The following ANKFN1 variants were observed in gnomAD, a reference collection of about 807,000 sequenced individuals.
The protein encoded by ANKFN1 is ankyrin repeat and fibronectin type-III domain-containing protein 1.
ANKFN1 carries 74 observed loss-of-function variants against 108.7 expected under a neutral mutation model. That is an observed-to-expected ratio of 0.68 (90% confidence interval 0.56 to 0.83). ANKFN1 has a LOEUF of 0.83. ANKFN1 is among the 40% of genes least tolerant of loss of function. ANKFN1 has a pLI of 0.00. For synonymous variants in ANKFN1, 547 were observed against 516.2 expected, an observed-to-expected ratio of 1.06 and a Z score of -0.81; for missense variants, 1,505 against 1,382.3, an observed-to-expected ratio of 1.09 and a Z score of -1.41.
At chr17:56,123,332 A>C (rs1323087561) in intron 4 of ANKFN1, among the ~76,000 whole-genome samples, 1 of 152,166 alleles carries the variant, frequency 6.6e-6, no homozygotes, top group Admixed American at 6.5e-5. Context: ...CATCTCAGAG[A>C]GATGGGGCTG....
intron 3 of ANKFN1, among the ~76,000 whole-genome samples, chr17:56,306,858 T>C (rs1350694394): frequency 1.3e-5 from 2 of 152,166 alleles, no homozygotes; most frequent in African/African-American, 2.4e-5. Context: ...CAAAACAGCA[T>C]GGTACTGGTA....
intron 6 of ANKFN1, among the ~76,000 whole-genome samples, chr17:56,356,252 G>C (rs1372161041): frequency 6.6e-6 from 1 of 152,092 alleles, no homozygotes; most frequent in Non-Finnish European, 1.5e-5. Flanking sequence ...ACATTATGAA[G>C]TAGGCACTCA....
chr17:56,461,432 G>A (rs957064785), intron 14 of ANKFN1, among the ~76,000 whole-genome samples: 4 of 152,148 alleles, frequency 2.6e-5, no homozygotes, highest in African/African-American at 7.2e-5. Flanking sequence ...ACACTGTTCC[G>A]ATTTTCTTCC....
chr17:56,383,988 A>G (rs1483536620), intron 8 of ANKFN1, among the ~76,000 whole-genome samples: 4 of 152,248 alleles, frequency 2.6e-5, no homozygotes, highest in African/African-American at 4.8e-5. Flanking sequence ...TGAGGCCAGC[A>G]TCATCCTGAT....
intron 14 of ANKFN1, among the ~76,000 whole-genome samples, chr17:56,460,660 CTTTT>C (rs1357135967): frequency 2.1e-5 from 3 of 145,198 alleles, no homozygotes; most frequent in African/African-American, 7.6e-5. Flanking sequence ...TTTTTTTTTT[CTTTT>C]TATTTCAGAA....
At chr17:56,205,589 G>T (rs1010058592) in intron 1 of ANKFN1, among the ~76,000 whole-genome samples, 1 of 152,132 alleles carries the variant, frequency 6.6e-6, no homozygotes, top group African/African-American at 2.4e-5. Flanking sequence ...TTTTGGCAGT[G>T]TGTTTATATT....
chr17:56,058,879 G>T (rs920196657), intron 4 of ANKFN1, among the ~76,000 whole-genome samples: 1 of 152,088 alleles, frequency 6.6e-6, no homozygotes, highest in Non-Finnish European at 1.5e-5. Context: ...ATTGTAAATA[G>T]TGCTGCAATA....
chr17:56,380,677 T>C (rs2047072327), intron 8 of ANKFN1, among the ~76,000 whole-genome samples: 1 of 152,236 alleles, frequency 6.6e-6, no homozygotes, highest in South Asian at 2.1e-4. Context: ...GGAGTCTCGC[T>C]GATTGCTAGC....
intron 3 of ANKFN1, among the ~76,000 whole-genome samples, chr17:56,282,723 C>CA (rs2044115391): frequency 6.7e-6 from 1 of 148,516 alleles, no homozygotes. Context: ...CTAACTAGGA[C>CA]TTTTTTTTTT....
chr17:56,458,148 G>C (rs1054789978), intron 14 of ANKFN1, among the ~76,000 whole-genome samples, 169 bp downstream of exon 14: 1 of 152,108 alleles, frequency 6.6e-6, no homozygotes, highest in Non-Finnish European at 1.5e-5. Flanking sequence ...TAGGTATGCA[G>C]GTTTCATATA....
At position 56,476,467 on chromosome 17, in the gene ANKFN1, G is replaced by A. The variant is rs180855484; in HGVS notation, c.1774-1021G>A. Among the ~76,000 whole-genome samples the A allele has an allele frequency of 2.0e-4, 31 of 152,304 alleles. 1 individual carries two copies. The East Asian group carries it at 4.6e-3, about 23-fold the overall frequency. The stretch of plus-strand genomic sequence containing the variant: ...CACTTACTATTGAATCAACAGCTTT[G>A]TTCAGTCTCTGCTGCTTTTGGAATA... On this transcript the variant is annotated intron_variant, in intron 15 of 20. Coordinates refer to ENST00000682825, the MANE Select transcript of ANKFN1 (RefSeq NM_001370326.1).
At chr17:56,442,002 A>G (rs1036291302) in intron 9 of ANKFN1, among the ~76,000 whole-genome samples, 3 of 152,156 alleles carry the variant, frequency 2.0e-5, no homozygotes, top group South Asian at 4.1e-4. Flanking sequence ...CTGGAAAAAA[A>G]TATAAAAGCA....
intron 1 of ANKFN1, among the ~76,000 whole-genome samples, chr17:56,194,246 G>GCAAT (rs1179790849): frequency 1.3e-5 from 2 of 152,128 alleles, no homozygotes; most frequent in Admixed American, 6.5e-5. Flanking sequence ...GTACTACCCA[G>GCAAT]CAATCACACT....
intron 1 of ANKFN1, among the ~76,000 whole-genome samples, chr17:56,209,544 G>A (rs1198797220): frequency 6.6e-6 from 1 of 152,118 alleles, no homozygotes; most frequent in Non-Finnish European, 1.5e-5. Flanking sequence ...AACAAACCAG[G>A]AGCCCCAATT....
At chr17:56,249,570 G>C (rs2043190851) in intron 3 of ANKFN1, among the ~76,000 whole-genome samples, 1 of 152,072 alleles carries the variant, frequency 6.6e-6, no homozygotes, top group African/African-American at 2.4e-5. Flanking sequence ...AAAAGTCCCA[G>C]AATAGCCAAG....
At chr17:56,392,374 C>T (rs1280502658) in intron 8 of ANKFN1, among the ~76,000 whole-genome samples, 4 of 152,166 alleles carry the variant, frequency 2.6e-5, no homozygotes, top group African/African-American at 7.2e-5. Context: ...ATCCTGTTCA[C>T]GATGGCAAGC....
chr17:56,306,463 A>G (rs548533098), intron 3 of ANKFN1, among the ~76,000 whole-genome samples: 1 of 152,204 alleles, frequency 6.6e-6, no homozygotes, highest in Non-Finnish European at 1.5e-5. Flanking sequence ...ATCATGAGTG[A>G]ACTCCCACTC....
At chr17:56,371,113 A>G (rs1162405725) in intron 6 of ANKFN1, among the ~76,000 whole-genome samples, 1 of 151,360 alleles carries the variant, frequency 6.6e-6, no homozygotes, top group Non-Finnish European at 1.5e-5. Context: ...TTATTTGTTT[A>G]TTTTTCTGTC....
Position 56,213,985 on chromosome 17 carries a change from G to T in ANKFN1, c.12+1306G>T, listed in dbSNP as rs190424721. Among the ~76,000 whole-genome samples, 47 of 152,278 alleles carry T rather than the reference G, an allele frequency of 3.1e-4. No homozygotes were observed. In the East Asian group the frequency reaches 7.7e-3, roughly 25 times the overall value. On this transcript the variant is annotated intron_variant, in intron 2 of 20. Coordinates refer to ENST00000682825, the MANE Select transcript of ANKFN1 (RefSeq NM_001370326.1). ...CCCCAGGAAGCAAGAGAGTAGTATGGCAGAAAGTTTAAAACTAGGGTGTCT... is the reference window on the plus strand; with the variant it reads ...CCCCAGGAAGCAAGAGAGTAGTATGTCAGAAAGTTTAAAACTAGGGTGTCT...
Sources: gnomAD v4.1 joint callset for allele counts (sites outside exome capture counted in the v4.1 genomes callset) on GRCh38, gnomAD v4.1.1 for gene constraint, MANE v1.5 for transcripts, NCBI Gene and HGNC (gene_info 2026-07-23, HGNC 2026-07-21) for gene names.